The following CTNNA2 variants were observed in gnomAD, a reference collection of about 807,000 sequenced individuals.
CTNNA2 encodes catenin alpha 2, also known as catenin alpha-2.
Under a neutral mutation model 101.0 loss-of-function variants are expected in CTNNA2, and 42 were observed. That is an observed-to-expected ratio of 0.42 (90% CI 0.32 to 0.54). The LOEUF (loss-of-function observed/expected upper bound fraction) is 0.54. CTNNA2 is among the 20% of genes least tolerant of loss of function. The pLI is 0.14. For synonymous variants in CTNNA2, 450 were observed against 456.4 expected, an observed-to-expected ratio of 0.99 and a Z score of 0.18; for missense variants, 871 against 1,223.1, an observed-to-expected ratio of 0.71 and a Z score of 4.29.
At chr2:80,119,018 G>T (rs1209322381) in intron 7 of CTNNA2, among the ~76,000 whole-genome samples, 1 of 152,198 alleles carries the variant, frequency 6.6e-6, no homozygotes, top group Non-Finnish European at 1.5e-5. Context: ...TTTTTAATCA[G>T]ATTAGAGGTG....
chr2:80,643,479 T>C (rs1330726352), intron 18 of CTNNA2, among the ~76,000 whole-genome samples: 1 of 152,206 alleles, frequency 6.6e-6, no homozygotes, highest in Non-Finnish European at 1.5e-5. Flanking sequence ...GTTTTTAAAC[T>C]AGCTGAAAAT....
At chr2:79,335,479 T>C (rs1676974024) in intron 3 of CTNNA2, among the ~76,000 whole-genome samples, 1 of 152,240 alleles carries the variant, frequency 6.6e-6, no homozygotes, top group Non-Finnish European at 1.5e-5. Flanking sequence ...GTCAATCTTA[T>C]GAATTTGTGT....
At chr2:79,863,217 A>C (rs947171034) in intron 4 of CTNNA2, among the ~76,000 whole-genome samples, 8 of 141,856 alleles carry the variant, frequency 5.6e-5, no homozygotes, top group Admixed American at 1.4e-4. Flanking sequence ...CTCTGAGTTA[A>C]TTATTTAGAT....
intron 4 of CTNNA2, among the ~76,000 whole-genome samples, chr2:79,387,259 C>T (rs953432774): frequency 2.4e-4 from 36 of 152,138 alleles, no homozygotes; most frequent in Admixed American, 9.8e-4. Context: ...GGCCAGTCTG[C>T]CTGTTGATTC....
chr2:80,263,155 A>T (rs937830394), intron 7 of CTNNA2, among the ~76,000 whole-genome samples: 12 of 152,104 alleles, frequency 7.9e-5, no homozygotes, highest in African/African-American at 2.9e-4. Flanking sequence ...TCCTAGGAGG[A>T]TGTCCTTACT....
chr2:80,282,887 A>T (rs1473968568), intron 7 of CTNNA2, among the ~76,000 whole-genome samples: 1 of 152,114 alleles, frequency 6.6e-6, no homozygotes, highest in African/African-American at 2.4e-5. Flanking sequence ...TTCAGAAAGA[A>T]GTAATAGGTA....
intron 7 of CTNNA2, among the ~76,000 whole-genome samples, chr2:80,094,964 C>T (rs1015225460): frequency 2.0e-5 from 3 of 152,202 alleles, no homozygotes; most frequent in Admixed American, 6.5e-5. Flanking sequence ...GACCATTTGA[C>T]TTCCTCTTTT....
chr2:79,398,912 A>T lies in CTNNA2; in HGVS notation c.-135+24899A>T, dbSNP rs148216211. Among the ~76,000 whole-genome samples the T allele has an allele frequency of 9.7e-4, 148 of 152,136 alleles. 1 individual carries two copies. Among genetic ancestry groups the T allele is most frequent in the African/African-American group, 3.2e-3 (133 of 41,534 alleles). The stretch of plus-strand genomic sequence containing the variant: ...ACAATAAGCTTTGTGATGGTTTAGT[A>T]TGTCCAAATTTTATCTCCCTTTCCA... On this transcript the variant is annotated intron_variant, in intron 4 of 21. Transcript: ENST00000466387.
chr2:79,439,132 G>A (rs893862150), intron 4 of CTNNA2, among the ~76,000 whole-genome samples: 1 of 152,204 alleles, frequency 6.6e-6, no homozygotes, highest in Admixed American at 6.5e-5. Context: ...GTTCACAGCA[G>A]CATTATTCAC....
chr2:79,523,595 A>G (rs1672238604), intron 1 of CTNNA2, among the ~76,000 whole-genome samples: 1 of 152,168 alleles, frequency 6.6e-6, no homozygotes, highest in South Asian at 2.1e-4. Flanking sequence ...ACATGTACTA[A>G]TGTATTTTTT....
intron 9 of CTNNA2, among the ~76,000 whole-genome samples, chr2:80,505,483 C>A (rs775964976): frequency 6.6e-6 from 1 of 152,164 alleles, no homozygotes; most frequent in Non-Finnish European, 1.5e-5. Context: ...GTGCCATTAG[C>A]GTAAATTGAG....
chr2:80,101,733 C>G (rs985852786), intron 7 of CTNNA2, among the ~76,000 whole-genome samples: 6 of 152,158 alleles, frequency 3.9e-5, no homozygotes, highest in African/African-American at 1.4e-4. Flanking sequence ...TCTGGCTCCT[C>G]CTGTGATCAG....
At position 80,300,279 on chromosome 2, in the gene CTNNA2, GGGGTGTGTGTGTGTGTGTGT is replaced by G. The variant is rs1458684662; in HGVS notation, c.1057-92930_1057-92911del. ...GCCAGGAAAAATGAGCTGGGGTGTT[GGGGTGTGTGTGTGTGTGTGT>G]GTGTGTGTGTGTGTGTGTGTGTGTG... On this transcript the variant is annotated intron_variant, in intron 7 of 18. Transcript: ENST00000402739. Among the ~76,000 whole-genome samples, 141 of 128,078 alleles carry G rather than the reference GGGGTGTGTGTGTGTGTGTGT, an allele frequency of 1.1e-3. 1 individual carries two copies. Among genetic ancestry groups the G allele is most frequent in the East Asian group, 5.0e-3 (23 of 4,578 alleles). The allele number at this position is 128,078 out of a possible 152,430, so 84.0% of individuals were successfully genotyped here. A position where few individuals can be genotyped will look rare whatever the true frequency, so the allele number is the denominator to read the frequency against.
In CTNNA2 at chr2:80,647,641, C is replaced by A; in HGVS notation, c.2631C>A (p.Val877=). 1.2e-6 allele frequency: 2 copies of A among 1,613,252 alleles called. No homozygotes were observed. The highest frequency in any genetic ancestry group is 1.7e-6 in the Non-Finnish European group (2 of 1,179,426). The change falls in exon 19 of 19, where the codon GTC becomes GTA. Residue 877 remains valine, a synonymous_variant. Transcript: ENST00000402739. ...QAAKNLMNAV[V]LTVKASYVAS... ...CTAAAAACCTGATGAATGCTGTTGT[C>A]CTCACGGTGAAAGCATCCTATGTGG...
At chr2:80,202,209 C>T (rs1207669052) in intron 7 of CTNNA2, among the ~76,000 whole-genome samples, 1 of 152,154 alleles carries the variant, frequency 6.6e-6, no homozygotes, top group Non-Finnish European at 1.5e-5. Context: ...CCTGTATGTA[C>T]CTGTATCTGT....
intron 7 of CTNNA2, among the ~76,000 whole-genome samples, chr2:80,033,057 A>G (rs545615078): frequency 1.6e-4 from 23 of 147,720 alleles, no homozygotes; most frequent in African/African-American, 5.7e-4. Flanking sequence ...AGGCTGTGGC[A>G]GGAGAATTGC....
At chr2:80,407,217 C>T (rs1679152238) in intron 8 of CTNNA2, among the ~76,000 whole-genome samples, 1 of 152,194 alleles carries the variant, frequency 6.6e-6, no homozygotes, top group South Asian at 2.1e-4. Context: ...AAATACCAGT[C>T]ACACTGATCA....
chr2:79,642,381 C>T (rs1416354141), intron 1 of CTNNA2, among the ~76,000 whole-genome samples: 1 of 152,198 alleles, frequency 6.6e-6, no homozygotes, highest in Non-Finnish European at 1.5e-5. Flanking sequence ...TTGCATATCA[C>T]TGCAATTTTG....
intron 4 of CTNNA2, among the ~76,000 whole-genome samples, chr2:79,463,082 A>T (rs953107970): frequency 2.0e-5 from 3 of 152,114 alleles, no homozygotes; most frequent in Non-Finnish European, 4.4e-5. Flanking sequence ...AGGTTTGAGG[A>T]CAGGAGGAAA....
Sources: gnomAD v4.1 joint callset for allele counts (sites outside exome capture counted in the v4.1 genomes callset) on GRCh38, gnomAD v4.1.1 for gene constraint, MANE v1.5 for transcripts, NCBI Gene and HGNC (gene_info 2026-07-23, HGNC 2026-07-21) for gene names.